The following IMMP2L variants were observed in gnomAD, a reference collection of about 807,000 sequenced individuals.
IMMP2L encodes mitochondrial inner membrane protease subunit 2.
A neutral mutation model predicts 19.3 loss-of-function variants in IMMP2L; 18 were observed. That is an observed-to-expected ratio of 0.93 (90% CI 0.64 to 1.38). The LOEUF (loss-of-function observed/expected upper bound fraction) is 1.38. IMMP2L is among the 40% of genes most tolerant of loss of function. IMMP2L has a pLI of 0.00. For missense variants in IMMP2L, 233 were observed against 218.2 expected (o/e 1.07, Z -0.43); for synonymous variants, 76 against 73.0 (o/e 1.04, Z -0.21).
intron 3 of IMMP2L, among the ~76,000 whole-genome samples, chr7:110,968,264 T>TAA (rs201296331): frequency 2.8e-5 from 4 of 144,886 alleles, no homozygotes; most frequent in African/African-American, 1.0e-4. Context: ...ATTCATGCAT[T>TAA]AAAAAAAAAA....
intron 5 of IMMP2L, among the ~76,000 whole-genome samples, chr7:110,789,137 C>T (rs1044651297): frequency 3.3e-5 from 5 of 151,738 alleles, no homozygotes; most frequent in African/African-American, 9.7e-5. Flanking sequence ...AAGACACTTC[C>T]AGATAATTCC....
intron 5 of IMMP2L, among the ~76,000 whole-genome samples, chr7:110,861,168 T>A (rs192624658): frequency 2.0e-5 from 3 of 150,660 alleles, no homozygotes; most frequent in Non-Finnish European, 1.5e-5. Flanking sequence ...ACAGATCTAC[T>A]GTAAGACAGA....
chr7:111,377,788 C>T (rs141043234), intron 3 of IMMP2L, among the ~76,000 whole-genome samples: 3 of 152,010 alleles, frequency 2.0e-5, no homozygotes, highest in East Asian at 3.9e-4. Flanking sequence ...TCTCTTCACC[C>T]GAAGTAATGC....
At chr7:110,670,228 TC>T (rs1408384665) in intron 5 of IMMP2L, among the ~76,000 whole-genome samples, 2 of 152,082 alleles carry the variant, frequency 1.3e-5, no homozygotes, top group Non-Finnish European at 2.9e-5. Flanking sequence ...GAAGGTGGCA[TC>T]AACAGCCAAG....
chr7:111,398,072 A>T (rs1425331609), intron 3 of IMMP2L, among the ~76,000 whole-genome samples: 1 of 152,092 alleles, frequency 6.6e-6, no homozygotes, highest in Non-Finnish European at 1.5e-5. Flanking sequence ...TGTTTTTTTC[A>T]GACAAAAGTA....
At chr7:110,672,123 G>GA (rs1791962352) in intron 5 of IMMP2L, among the ~76,000 whole-genome samples, 2 of 152,012 alleles carry the variant, frequency 1.3e-5, no homozygotes, top group South Asian at 4.2e-4. Flanking sequence ...ATTTATAAAA[G>GA]AAAGAGGTTT....
rs78114581 is a variant in IMMP2L at position 110,786,492 on chromosome 7, A to G, written c.408+100101T>C. 4.0e-3 allele frequency among the ~76,000 whole-genome samples: 615 copies of G among 152,076 alleles called. 5 individuals carry two copies. The highest frequency in any genetic ancestry group is 0.011 in the African/African-American group (456 of 41,542). ...ACTGGAAAATGGAGGAAATGAAACA[A>G]GACTGTTTTAGGGGGCCTCCTGTAG... On this transcript the variant is annotated intron_variant, in intron 5 of 5. Coordinates refer to ENST00000405709, the MANE Select transcript of IMMP2L (RefSeq NM_032549.4).
At chr7:111,491,800 T>C (rs996524031) in intron 2 of IMMP2L, among the ~76,000 whole-genome samples, 1 of 152,148 alleles carries the variant, frequency 6.6e-6, no homozygotes, top group African/African-American at 2.4e-5. Flanking sequence ...CTTTTTCCTA[T>C]ATAACTGACA....
At chr7:111,460,064 T>A (rs1277043723) in intron 3 of IMMP2L, among the ~76,000 whole-genome samples, 1 of 152,132 alleles carries the variant, frequency 6.6e-6, no homozygotes, top group Non-Finnish European at 1.5e-5. Flanking sequence ...CCAGGCAATA[T>A]GCTTTATTTT....
At chr7:111,556,852 C>T (rs1466565596) in intron 1 of IMMP2L, among the ~76,000 whole-genome samples, 1 of 152,088 alleles carries the variant, frequency 6.6e-6, no homozygotes, top group African/African-American at 2.4e-5. Flanking sequence ...CCTTTGCAAT[C>T]TCTTGTGATG....
At chr7:111,297,908 G>A (rs1462161357) in intron 3 of IMMP2L, among the ~76,000 whole-genome samples, 1 of 152,048 alleles carries the variant, frequency 6.6e-6, no homozygotes, top group Non-Finnish European at 1.5e-5. Flanking sequence ...CCAGAAGCAG[G>A]ATTTACTGGT....
rs10280002 is a variant in IMMP2L, at chr7:110,929,073, T to C, written c.305+34427A>G. On this transcript the variant is annotated intron_variant, in intron 4 of 5. Coordinates refer to ENST00000405709, the MANE Select transcript of IMMP2L (RefSeq NM_032549.4). ...AAGAAGTAGCAGAAAATTTTCCTTA[T>C]GTAAGGGGAGAAGCAAATCACTCTG... Among the ~76,000 whole-genome samples, 1,493 of 152,190 alleles carry C rather than the reference T, an allele frequency of 9.8e-3. 22 individuals carry two copies. The highest frequency in any genetic ancestry group is 0.033 in the African/African-American group (1,379 of 41,508).
rs139659493 is a variant in IMMP2L at position 111,537,901 on chromosome 7, A to G, written c.-2-16452T>C. On this transcript the variant is annotated intron_variant, in intron 1 of 5. Transcript: ENST00000405709. ...CCATACAATTTCTAGAATATGCCACACTTTTACTTGTCTCTGGGCCCTTAT... is the reference window on the plus strand; with the variant it reads ...CCATACAATTTCTAGAATATGCCACGCTTTTACTTGTCTCTGGGCCCTTAT... 6.1e-3 allele frequency among the ~76,000 whole-genome samples: 926 copies of G among 151,866 alleles called. 5 individuals carry two copies. The highest frequency in any genetic ancestry group is 8.9e-3 in the Non-Finnish European group (607 of 67,948).
chr7:110,800,346 T>C (rs1430703938), intron 5 of IMMP2L, among the ~76,000 whole-genome samples: 1 of 152,070 alleles, frequency 6.6e-6, no homozygotes, highest in Admixed American at 6.6e-5. Context: ...CTGAATGGCA[T>C]GTCCATCTCA....
chr7:111,441,516 T>C (rs1375593821), intron 3 of IMMP2L, among the ~76,000 whole-genome samples: 1 of 151,618 alleles, frequency 6.6e-6, no homozygotes, highest in African/African-American at 2.4e-5. Context: ...TATATGAGTG[T>C]GGGTCATGGT....
intron 3 of IMMP2L, among the ~76,000 whole-genome samples, chr7:111,374,530 A>G (rs1830517514): frequency 6.6e-6 from 1 of 152,100 alleles, no homozygotes; most frequent in Non-Finnish European, 1.5e-5. Flanking sequence ...CCACATTATT[A>G]TTGTCCTTAT....
At chr7:110,873,540 G>C (rs1409909399) in intron 5 of IMMP2L, among the ~76,000 whole-genome samples, 1 of 150,028 alleles carries the variant, frequency 6.7e-6, no homozygotes, top group African/African-American at 2.5e-5. Context: ...GAGGCGGGCG[G>C]ATTACCTGAG....
At chr7:111,038,635 C>T (rs1670402205) in intron 3 of IMMP2L, among the ~76,000 whole-genome samples, 1 of 152,094 alleles carries the variant, frequency 6.6e-6, no homozygotes. Context: ...TAAAACTATA[C>T]AACTTCTAGC....
chr7:110,841,641 A>G (rs1305381875), intron 5 of IMMP2L, among the ~76,000 whole-genome samples: 1 of 152,148 alleles, frequency 6.6e-6, no homozygotes, highest in Non-Finnish European at 1.5e-5. Flanking sequence ...CATGACTTCA[A>G]TAGATACATT....
Sources: gnomAD v4.1 joint callset for allele counts (sites outside exome capture counted in the v4.1 genomes callset) on GRCh38, gnomAD v4.1.1 for gene constraint, MANE v1.5 for transcripts, NCBI Gene and HGNC (gene_info 2026-07-23, HGNC 2026-07-21) for gene names.